TOX: variants seen among roughly 807,000 people sequenced by gnomAD.
TOX encodes thymocyte selection associated high mobility group box, also known as thymocyte selection-associated high mobility group box protein TOX.
TOX carries 11 observed loss-of-function variants against 53.7 expected under a neutral mutation model. That is an observed-to-expected ratio of 0.20 (90% CI 0.13 to 0.34). The LOEUF is 0.34. TOX is among the 10% of genes least tolerant of loss of function. The pLI is 1.00. For missense variants in TOX, 570 were observed against 664.6 expected, an observed-to-expected ratio of 0.86 and a Z score of 1.56; for synonymous variants, 225 against 245.3, an observed-to-expected ratio of 0.92 and a Z score of 0.77.
At chr8:58,972,011 T>G (rs1813011270) in intron 1 of TOX, among the ~76,000 whole-genome samples, 1 of 152,170 alleles carries the variant, frequency 6.6e-6, no homozygotes, top group Non-Finnish European at 1.5e-5. Flanking sequence ...TTTTTATCTT[T>G]ATGTAAATGC....
At chr8:59,063,577 C>G (rs1175076907) in intron 1 of TOX, among the ~76,000 whole-genome samples, 1 of 151,882 alleles carries the variant, frequency 6.6e-6, no homozygotes, top group African/African-American at 2.4e-5. Context: ...GTGCATGCCA[C>G]CACGCCGGGC....
Position 59,118,650 on chromosome 8 carries a change from A to G in TOX, c.102+236T>C, listed in dbSNP as rs2129425457. On this transcript the variant is annotated intron_variant, in intron 1 of 8. Coordinates refer to ENST00000361421, the MANE Select transcript of TOX (RefSeq NM_014729.3). This position sits in a 1 kb window ranked among gnomAD's most constrained non-coding sequence, Gnocchi z 4.1. ...GGGATCCTTAGCCGCGAACAGCAGG[A>G]AGGAAAGAATCCGAGCAAATCGTGT... Among the ~76,000 whole-genome samples, 1 of 152,322 alleles carries G rather than the reference A, an allele frequency of 6.6e-6. No individual in the cohort carries two copies. The highest frequency in any genetic ancestry group is 2.1e-4 in the South Asian group (1 of 4,826).
chr8:58,851,732 C>A lies in TOX; in HGVS notation c.485G>T (p.Gly162Val), dbSNP rs779646024. The A allele has an allele frequency of 1.5e-5, 25 of 1,613,036 alleles. No individual in the cohort carries two copies. The highest frequency in any genetic ancestry group is 1.9e-5 in the Non-Finnish European group (23 of 1,179,740). The change falls in exon 4 of 9, where the codon GGC becomes GTC. Residue 162 changes from glycine to valine, a missense_variant. This residue lies in a region of TOX where 282 missense variants were observed against 315.0 expected (regional missense o/e 0.90). Coordinates refer to ENST00000361421, the MANE Select transcript of TOX (RefSeq NM_014729.3). The surrounding 1 kb of genome is among the most constrained non-coding windows in gnomAD (Gnocchi z 4.4). ...CTGCTGCCTGATGTCTGCAGGCTGG[C>A]CCCTTGGTCTCATGGCTGCCATCTG... ...HPQMAAMRPRGQPADIRQQPG... is the reference protein window; with the variant it reads ...HPQMAAMRPRVQPADIRQQPG...
At chr8:58,976,135 C>A (rs1345689483) in intron 1 of TOX, among the ~76,000 whole-genome samples, 1 of 152,126 alleles carries the variant, frequency 6.6e-6, no homozygotes, top group Non-Finnish European at 1.5e-5. Context: ...GATTTCTCTG[C>A]AGCATGTGAT....
At chr8:58,975,996 T>C in intron 1 of TOX, among the ~76,000 whole-genome samples, 1 of 151,948 alleles carries the variant, frequency 6.6e-6, no homozygotes, top group South Asian at 2.1e-4. Flanking sequence ...CGCTTGAACC[T>C]GGGACACGGA....
Position 59,117,435 on chromosome 8 carries a change from T to G in TOX, c.102+1451A>C, listed in dbSNP as rs1360174245. Among the ~76,000 whole-genome samples, 1 of 152,226 alleles carries G rather than the reference T, an allele frequency of 6.6e-6. No individual in the cohort carries two copies. The highest frequency in any genetic ancestry group is 1.5e-5 in the Non-Finnish European group (1 of 68,042). ...TGCCTTGCTCAAGACTGGATGTCCCTCTTTTCTAACTTGCCTAAACACCAT... is the reference window on the plus strand; with the variant it reads ...TGCCTTGCTCAAGACTGGATGTCCCGCTTTTCTAACTTGCCTAAACACCAT... On this transcript the variant is annotated intron_variant, in intron 1 of 8. Coordinates refer to ENST00000361421, the MANE Select transcript of TOX (RefSeq NM_014729.3). The surrounding 1 kb of genome is among the most constrained non-coding windows in gnomAD (Gnocchi z 4.6).
intron 3 of TOX, among the ~76,000 whole-genome samples, chr8:58,934,952 T>C (rs1446014972): frequency 6.6e-6 from 1 of 152,232 alleles, no homozygotes; most frequent in Non-Finnish European, 1.5e-5. Flanking sequence ...CTTAACCACT[T>C]TGAACTTTCA....
chr8:58,933,751 G>T (rs1812298448), intron 3 of TOX, among the ~76,000 whole-genome samples: 1 of 152,080 alleles, frequency 6.6e-6, no homozygotes, highest in Non-Finnish European at 1.5e-5. Flanking sequence ...CTAGTCTTGG[G>T]GCTTTCCATC....
At chr8:58,958,176 T>C (rs1372541911) in intron 2 of TOX, among the ~76,000 whole-genome samples, 1 of 152,200 alleles carries the variant, frequency 6.6e-6, no homozygotes, top group Non-Finnish European at 1.5e-5. Context: ...ATCACTGGTA[T>C]CCAAAACATT....
At chr8:58,938,487 C>G (rs1694115704) in intron 3 of TOX, among the ~76,000 whole-genome samples, 1 of 152,134 alleles carries the variant, frequency 6.6e-6, no homozygotes, top group Admixed American at 6.6e-5. Context: ...CTAAAGCTCT[C>G]TCCTTGGCCA....
chr8:59,039,438 G>A (rs536165845), intron 1 of TOX, among the ~76,000 whole-genome samples: 2 of 152,312 alleles, frequency 1.3e-5, no homozygotes, highest in African/African-American at 2.4e-5. Context: ...CTGTTCAGCA[G>A]TGCTCCACAC....
chr8:59,090,197 A>G (rs1183950481), intron 1 of TOX, among the ~76,000 whole-genome samples: 2 of 152,218 alleles, frequency 1.3e-5, no homozygotes, highest in African/African-American at 4.8e-5. Flanking sequence ...TATTTGACCT[A>G]GGAAAACTTT....
intron 3 of TOX, among the ~76,000 whole-genome samples, chr8:58,856,852 C>A (rs1193478238): frequency 3.3e-5 from 5 of 151,710 alleles, no homozygotes; most frequent in Admixed American, 2.0e-4. Flanking sequence ...ACGCTGAAGG[C>A]ACAAGAAAGG....
At chr8:58,812,604 C>T (rs1044149108) in intron 7 of TOX, among the ~76,000 whole-genome samples, 1 of 152,190 alleles carries the variant, frequency 6.6e-6, no homozygotes, top group African/African-American at 2.4e-5. Flanking sequence ...CCTGCATGCA[C>T]CCTGAAAGTC....
chr8:58,901,909 C>G (rs1811739243), intron 3 of TOX, among the ~76,000 whole-genome samples: 1 of 152,100 alleles, frequency 6.6e-6, no homozygotes, highest in Admixed American at 6.6e-5. Flanking sequence ...ATTCGTGTGT[C>G]CAAGTTTTAT....
chr8:58,913,227 G>A (rs1402592622), intron 3 of TOX, among the ~76,000 whole-genome samples: 1 of 152,128 alleles, frequency 6.6e-6, no homozygotes, highest in East Asian at 1.9e-4. Flanking sequence ...GATGTGGGAG[G>A]ATCACTTGAG....
At chr8:59,056,148 A>G (rs1013491755) in intron 1 of TOX, among the ~76,000 whole-genome samples, 1 of 152,192 alleles carries the variant, frequency 6.6e-6, no homozygotes, top group African/African-American at 2.4e-5. Context: ...TACCGAAGCC[A>G]GGTGTGGTGA....
chr8:58,969,348 T>C (rs1419982863), intron 1 of TOX, among the ~76,000 whole-genome samples: 2 of 152,220 alleles, frequency 1.3e-5, no homozygotes, highest in African/African-American at 4.8e-5. Flanking sequence ...TGAGTATGGA[T>C]TTGTCCATTG....
chr8:59,049,975 C>T (rs1450302028), intron 1 of TOX, among the ~76,000 whole-genome samples: 1 of 152,018 alleles, frequency 6.6e-6, no homozygotes, highest in African/African-American at 2.4e-5. Flanking sequence ...TATATAGTCA[C>T]ACTAATAAAA....
Sources: gnomAD v4.1 joint callset for allele counts (sites outside exome capture counted in the v4.1 genomes callset) on GRCh38, gnomAD v4.1.1 for gene constraint, gnomAD v4.1.1 regional missense constraint, Gnocchi (gnomAD v3.1) non-coding constraint, MANE v1.5 for transcripts, NCBI Gene and HGNC (gene_info 2026-07-23, HGNC 2026-07-21) for gene names.